The following INTS4 variants were observed in gnomAD, a reference collection of about 807,000 sequenced individuals.
INTS4 encodes the protein integrator complex subunit 4.
Under a neutral mutation model 119.5 loss-of-function variants are expected in INTS4, and 70 were observed. That is an observed-to-expected ratio of 0.59 (90% CI 0.48 to 0.71). The LOEUF is 0.71. INTS4 is among the 30% of genes least tolerant of loss of function. The pLI is 0.00. For missense variants in INTS4, 867 were observed against 1,173.2 expected (o/e 0.74, Z 3.81); for synonymous variants, 316 against 419.6 (o/e 0.75, Z 3.02).
intron 8 of INTS4, among the ~76,000 whole-genome samples, chr11:77,953,986 G>C (rs1793329): frequency 0.39 from 58,758 of 151,194 alleles, 11,548 homozygotes; most frequent in African/African-American, 0.44. Flanking sequence ...GCTAATTTTT[G>C]TATTTTTAGT....
At chr11:77,961,630 C>T (rs1042618623) in intron 4 of INTS4, among the ~76,000 whole-genome samples, 1 of 152,174 alleles carries the variant, frequency 6.6e-6, no homozygotes. Flanking sequence ...CTCATTCCTC[C>T]TCCCAGCAAC....
intron 15 of INTS4, among the ~76,000 whole-genome samples, chr11:77,908,330 C>CT (rs762416286): frequency 1.6e-3 from 228 of 139,638 alleles, no homozygotes; most frequent in Admixed American, 3.4e-3. Context: ...CTGCATCCAT[C>CT]TTTTTTTTTT....
At chr11:77,876,786 A>T (rs971189719), downstream of INTS4, among the ~76,000 whole-genome samples, 9 of 152,196 alleles carry the variant, frequency 5.9e-5, no homozygotes, top group African/African-American at 2.2e-4. Flanking sequence ...CATTATCTCA[A>T]AGCCTCTGTT....
chr11:77,903,556 G>A lies in INTS4; in HGVS notation c.2081C>T (p.Ser694Leu). Reference sequence around the variant, plus strand: ...TAAGCTTACCTGTTTCGCTGCTGCTGAGGCCAAATCACTCTGCTTCAAATA... The same window carrying A: ...TAAGCTTACCTGTTTCGCTGCTGCTAAGGCCAAATCACTCTGCTTCAAATA... ...PLYLKQSDLA[S>L]AAAKQIMEET... Residue 694 changes from serine to leucine, a missense_variant, in exon 17 of 23, where the codon TCA becomes TTA. Physicochemically the swap from Ser to Leu is moderately radical, Grantham distance 145. Coordinates refer to ENST00000534064, the MANE Select transcript of INTS4 (RefSeq NM_033547.4). 6.2e-7 allele frequency: 1 copy of A among 1,613,856 alleles called. No homozygotes were observed. The highest frequency in any genetic ancestry group is 1.1e-5 in the South Asian group (1 of 91,056).
At chr11:77,969,764 C>CAAA (rs111328777) in intron 4 of INTS4, among the ~76,000 whole-genome samples, 1 of 118,516 alleles carries the variant, frequency 8.4e-6, no homozygotes, top group East Asian at 2.6e-4. Flanking sequence ...TCCCCTCCTG[C>CAAA]AAAAAAAAAA....
At chr11:77,877,084 A>C, downstream of INTS4, 1 of 701,796 alleles carries the variant, frequency 1.4e-6, no homozygotes, top group Non-Finnish European at 2.6e-6. Flanking sequence ...CCCTGGAGTT[A>C]ATCATTCTTC....
chr11:77,989,903 A>G (rs1856599992), intron 2 of INTS4, among the ~76,000 whole-genome samples: 1 of 152,118 alleles, frequency 6.6e-6, no homozygotes, highest in African/African-American at 2.4e-5. Context: ...CATCTCAAAA[A>G]TAATAATAGT....
At chr11:77,946,929 T>A (rs1473029340) in intron 8 of INTS4, among the ~76,000 whole-genome samples, 1 of 149,520 alleles carries the variant, frequency 6.7e-6, no homozygotes, top group Non-Finnish European at 1.5e-5. Context: ...ATGATCCGAA[T>A]GAGAAATTCA....
At position 77,892,819 on chromosome 11, in the gene INTS4, G is replaced by A. The variant is rs563372638; in HGVS notation, c.2289-979C>T. 2.8e-4 allele frequency among the ~76,000 whole-genome samples: 42 copies of A among 152,200 alleles called. No individual in the cohort carries two copies. In the East Asian group the frequency reaches 7.5e-3, roughly 27 times the overall value. ...AGGCTGGTCTCGAACTCCTGACCTC[G>A]TGATCCACCCGCCTCAGCCTCCCAA... On this transcript the variant is annotated intron_variant, in intron 19 of 22. Transcript: ENST00000534064.
chr11:77,923,827 C>T (rs1251222076), intron 12 of INTS4, among the ~76,000 whole-genome samples: 2 of 149,250 alleles, frequency 1.3e-5, no homozygotes, highest in Non-Finnish European at 3.0e-5. Context: ...TGCAGTGGCA[C>T]AATCTCGGCT....
At chr11:77,894,092 A>C (rs960129078) in intron 19 of INTS4, among the ~76,000 whole-genome samples, 198 bp downstream of exon 19, 86 of 152,278 alleles carry the variant, frequency 5.6e-4, no homozygotes, top group Non-Finnish European at 1.2e-4. Flanking sequence ...ACTTCAAAGA[A>C]GTTTCTATAA....
rs1193526899 is a variant in INTS4, at chr11:77,933,815, G to T, written c.1165+4836C>A. Reference sequence around the variant, plus strand: ...CCGGCAGCCGCCCCGTCCGGGAGGTGGGGGGCGCCTCTGCCCGGCCGCCCT... The same window carrying T: ...CCGGCAGCCGCCCCGTCCGGGAGGTTGGGGGCGCCTCTGCCCGGCCGCCCT... On this transcript the variant is annotated intron_variant, in intron 10 of 22. Transcript: ENST00000534064. 2.6e-5 allele frequency among the ~76,000 whole-genome samples: 4 copies of T among 151,900 alleles called. No individual in the cohort carries two copies. The East Asian group carries it at 5.9e-4, about 22-fold the overall frequency.
chr11:77,894,678 G>T lies in INTS4; in HGVS notation c.2229-329C>A, dbSNP rs138853050. Among the ~76,000 whole-genome samples the T allele has an allele frequency of 4.3e-3, 649 of 152,308 alleles. 2 individuals carry two copies. The highest frequency in any genetic ancestry group is 6.4e-3 in the Non-Finnish European group (434 of 68,024). ...TACAGTGTCAAGTTCCCCTTCTGCA[G>T]GAGTCCTTGCTTCATTAGCATCTCA... is the stretch of plus-strand genomic sequence containing the variant. On this transcript the variant is annotated intron_variant, in intron 18 of 22. Coordinates refer to ENST00000534064, the MANE Select transcript of INTS4 (RefSeq NM_033547.4).
At chr11:77,938,952 G>T in intron 9 of INTS4, 127 bp from the exon 10 acceptor site, 1 of 650,306 alleles carries the variant, frequency 1.5e-6, no homozygotes, top group African/African-American at 1.8e-5. Flanking sequence ...AAAATTATCA[G>T]TAGTTCATAC....
At chr11:77,927,231 C>T (rs560265382) in intron 11 of INTS4, among the ~76,000 whole-genome samples, 1 of 152,058 alleles carries the variant, frequency 6.6e-6, no homozygotes, top group Admixed American at 6.5e-5. Flanking sequence ...ATGTATGAGG[C>T]CACCCATGAA....
rs536712044 is a variant in INTS4, at chr11:77,957,200, T to C, written c.798-1138A>G. Reference sequence around the variant, plus strand: ...CACCCGCCTCAGCCTCCCAAAGTGCTAGGATTACAGGGCTGAGTCACTGCA... The same window carrying C: ...CACCCGCCTCAGCCTCCCAAAGTGCCAGGATTACAGGGCTGAGTCACTGCA... On this transcript the variant is annotated intron_variant, in intron 7 of 22. Coordinates refer to ENST00000534064, the MANE Select transcript of INTS4 (RefSeq NM_033547.4). 9.2e-5 allele frequency among the ~76,000 whole-genome samples: 14 copies of C among 152,268 alleles called. 1 individual carries two copies. The highest frequency in any genetic ancestry group is 3.4e-4 in the African/African-American group (14 of 41,556).
At chr11:77,911,106 A>G in intron 15 of INTS4, 1 of 1,276,582 alleles carries the variant, frequency 7.8e-7, no homozygotes, top group Non-Finnish European at 1.0e-6. Context: ...TAACGTTACG[A>G]TAGTTAACGA....
intron 10 of INTS4, among the ~76,000 whole-genome samples, chr11:77,929,907 A>C (rs1953604706): frequency 6.6e-6 from 1 of 152,164 alleles, no homozygotes. Context: ...AGTAAGTATC[A>C]CCTAGGGTAT....
chr11:77,900,397 C>G (rs1482018334), intron 18 of INTS4, among the ~76,000 whole-genome samples: 2 of 152,110 alleles, frequency 1.3e-5, no homozygotes, highest in Non-Finnish European at 2.9e-5. Flanking sequence ...CCACACCCGG[C>G]CACATATGAA....
Sources: allele counts gnomAD v4.1 joint callset (sites outside exome capture counted in the v4.1 genomes callset), GRCh38; gene constraint gnomAD v4.1.1; transcripts MANE v1.5; gene names NCBI Gene and HGNC (gene_info 2026-07-23, HGNC 2026-07-21).